The following STON2 variants were observed in gnomAD, a reference collection of about 807,000 sequenced individuals.
STON2 encodes stonin 2.
In STON2, 29 loss-of-function variants were observed where a neutral mutation model predicts 65.7. That is an observed-to-expected ratio of 0.44 (90% CI 0.33 to 0.60). The LOEUF is 0.60. STON2 is among the 20% of genes least tolerant of loss of function. The pLI is 0.03. For missense variants in STON2, 1,054 were observed against 1,118.1 expected (o/e 0.94, Z 0.82); for synonymous variants, 404 against 414.2 (o/e 0.98, Z 0.30).
At chr14:81,335,040 TG>T (rs1383618297) in intron 4 of STON2, among the ~76,000 whole-genome samples, 4 of 151,278 alleles carry the variant, frequency 2.6e-5, no homozygotes, top group African/African-American at 9.7e-5. Context: ...TGTGTGTGTG[TG>T]TGTGTGTATA....
intron 5 of STON2, among the ~76,000 whole-genome samples, chr14:81,298,419 G>GA (rs906196272): frequency 1.8e-5 from 1 of 56,080 alleles, no homozygotes; most frequent in African/African-American, 5.1e-5. Flanking sequence ...TCAGATGGGG[G>GA]GGGGGAATCA....
chr14:81,418,940 T>C (rs1356214316), intron 2 of STON2, among the ~76,000 whole-genome samples: 1 of 152,130 alleles, frequency 6.6e-6, no homozygotes, highest in East Asian at 1.9e-4. Context: ...CTTCCCACCC[T>C]TTTTAGCAAG....
At chr14:81,328,493 G>A (rs1181098192) in intron 4 of STON2, among the ~76,000 whole-genome samples, 1 of 152,120 alleles carries the variant, frequency 6.6e-6, no homozygotes, top group Non-Finnish European at 1.5e-5. Flanking sequence ...TTCTCCAAAA[G>A]AAAGATGTAC....
At chr14:81,350,400 C>G (rs558974912) in intron 4 of STON2, among the ~76,000 whole-genome samples, 1 of 152,130 alleles carries the variant, frequency 6.6e-6, no homozygotes, top group South Asian at 2.1e-4. Context: ...GCTTCCATCT[C>G]CATTGGCTCC....
At chr14:81,283,530 ATT>A (rs10653687) in intron 5 of STON2, among the ~76,000 whole-genome samples, 31 of 128,864 alleles carry the variant, frequency 2.4e-4, no homozygotes, top group African/African-American at 2.7e-4. Context: ...CAGATACTGC[ATT>A]TTTTTTTTTT....
intron 5 of STON2, among the ~76,000 whole-genome samples, chr14:81,282,909 CA>C (rs1020577308): frequency 6.6e-6 from 1 of 152,134 alleles, no homozygotes; most frequent in African/African-American, 2.4e-5. Context: ...AAGAAATAGG[CA>C]AAAACCAAGT....
At chr14:81,269,568 C>T (rs1477100484) in intron 7 of STON2, 29 of 985,214 alleles carry the variant, frequency 2.9e-5, no homozygotes, top group Non-Finnish European at 3.4e-5. Context: ...CAACACACAA[C>T]AGTCAGGTTT....
chr14:81,269,270 G>T, intron 7 of STON2: 2 of 959,994 alleles, frequency 2.1e-6, no homozygotes, highest in Non-Finnish European at 2.5e-6. Context: ...CCTCCCAAAG[G>T]TCTGGGATTA....
intron 4 of STON2, among the ~76,000 whole-genome samples, chr14:81,348,405 A>T (rs56161464): frequency 0.28 from 41,822 of 151,900 alleles, 6,080 homozygotes; most frequent in South Asian, 0.35. Flanking sequence ...TAAATTCGGT[A>T]AATTGGCAGG....
intron 2 of STON2, among the ~76,000 whole-genome samples, chr14:81,410,206 T>A (rs1901080520): frequency 7.1e-6 from 1 of 140,488 alleles, no homozygotes; most frequent in South Asian, 2.2e-4. Flanking sequence ...ATTTTTTATG[T>A]GAAAAAATAT....
intron 5 of STON2, among the ~76,000 whole-genome samples, chr14:81,322,729 T>G (rs1896866001): frequency 6.6e-6 from 1 of 152,156 alleles, no homozygotes; most frequent in Non-Finnish European, 1.5e-5. Flanking sequence ...ACTCATACCC[T>G]CACTCACAGC....
intron 4 of STON2, among the ~76,000 whole-genome samples, chr14:81,333,895 T>C (rs181225886): frequency 1.4e-4 from 22 of 152,344 alleles, no homozygotes; most frequent in Non-Finnish European, 3.1e-4. Context: ...TTCAGATTTC[T>C]AATGAAAACA....
At chr14:81,400,219 C>G (rs1473824224) in intron 1 of STON2, among the ~76,000 whole-genome samples, 60 bp downstream of exon 1, 5 of 152,094 alleles carry the variant, frequency 3.3e-5, no homozygotes, top group African/African-American at 1.2e-4. Context: ...CCTTGCCAAC[C>G]ACAAGGCCAG....
In STON2 at chr14:81,266,638, G is replaced by A; in HGVS notation, c.*1776C>T. The A allele has an allele frequency of 1.0e-6, 1 of 977,352 alleles. No homozygotes were observed. The highest frequency in any genetic ancestry group is 1.8e-5 in the African/African-American group (1 of 57,040). The allele number at this position is 977,352 out of a possible 1,614,324, so 60.5% of individuals were successfully genotyped here. A position where few individuals can be genotyped will look rare whatever the true frequency, so the allele number is the denominator to read the frequency against. On this transcript the variant is annotated 3_prime_UTR_variant, in exon 8 of 8. Transcript: ENST00000614646. Reference sequence around the variant, plus strand: ...TCCATTTAGATATGGACTAGATGGAGGGTTAATAAAAGCATGTAAGGCTTT... The same window carrying A: ...TCCATTTAGATATGGACTAGATGGAAGGTTAATAAAAGCATGTAAGGCTTT...
chr14:81,371,300 T>C (rs575073222), intron 3 of STON2, 115 bp from the exon 4 acceptor site: 2 of 980,796 alleles, frequency 2.0e-6, no homozygotes, highest in African/African-American at 3.2e-5. Context: ...AACAGTCATA[T>C]GAGGCAAGGA....
intron 4 of STON2, among the ~76,000 whole-genome samples, chr14:81,327,654 G>A (rs1897048637): frequency 6.6e-6 from 1 of 152,016 alleles, no homozygotes; most frequent in Admixed American, 6.6e-5. Context: ...CATTAACTGG[G>A]ATGCTATTAA....
chr14:81,373,729 A>G (rs1485933483), intron 3 of STON2, among the ~76,000 whole-genome samples: 3 of 152,166 alleles, frequency 2.0e-5, no homozygotes, highest in Admixed American at 2.0e-4. Flanking sequence ...CTGACGCATA[A>G]AGTGAGAATT....
At chr14:81,301,928 G>A (rs1056896152) in intron 5 of STON2, among the ~76,000 whole-genome samples, 3 of 152,096 alleles carry the variant, frequency 2.0e-5, no homozygotes, top group Non-Finnish European at 2.9e-5. Context: ...AGGCTAAACA[G>A]CTTAAGCCTA....
At chr14:81,362,221 T>C (rs1384024319) in intron 4 of STON2, among the ~76,000 whole-genome samples, 1 of 152,164 alleles carries the variant, frequency 6.6e-6, no homozygotes, top group East Asian at 1.9e-4. Flanking sequence ...ACACAAGTTA[T>C]GGAATCAACC....
Sources: gnomAD v4.1 joint callset for allele counts (sites outside exome capture counted in the v4.1 genomes callset) on GRCh38, gnomAD v4.1.1 for gene constraint, MANE v1.5 for transcripts, NCBI Gene and HGNC (gene_info 2026-07-23, HGNC 2026-07-21) for gene names.